FARS2: variants seen among roughly 807,000 people sequenced by gnomAD.
The protein encoded by FARS2 is phenylalanyl-tRNA synthetase 2, mitochondrial, also known as phenylalanine--tRNA ligase, mitochondrial.
FARS2 carries 40 observed loss-of-function variants against 46.4 expected under a neutral mutation model. That is an observed-to-expected ratio of 0.86 (90% confidence interval 0.67 to 1.12). The LOEUF (loss-of-function observed/expected upper bound fraction) is 1.12. Among genes scored for constraint, FARS2 ranks in the 50% most tolerant of loss-of-function variants. FARS2 has a pLI of 0.00. For synonymous variants in FARS2, 234 were observed against 214.9 expected, an observed-to-expected ratio of 1.09 and a Z score of -0.78; for missense variants, 513 against 567.9, an observed-to-expected ratio of 0.90 and a Z score of 0.98.
At chr6:5,465,619 A>G (rs542619039) in intron 4 of FARS2, among the ~76,000 whole-genome samples, 2 of 152,276 alleles carry the variant, frequency 1.3e-5, no homozygotes, top group Non-Finnish European at 2.9e-5. Context: ...TCTAATTCTC[A>G]ACCCAGTGTT....
At chr6:5,515,671 T>C (rs564776499) in intron 4 of FARS2, among the ~76,000 whole-genome samples, 6 of 152,282 alleles carry the variant, frequency 3.9e-5, no homozygotes, top group African/African-American at 1.4e-4. Context: ...TCAAGTGATC[T>C]GCCTGCCTTG....
chr6:5,359,030 C>CTTTT (rs397888425), intron 1 of FARS2, among the ~76,000 whole-genome samples: 2 of 45,404 alleles, frequency 4.4e-5, no homozygotes, highest in Non-Finnish European at 8.9e-5. Flanking sequence ...AAAAGATACC[C>CTTTT]TTTTTTTTTT....
chr6:5,324,443 CTTTTTTTTTTT>C (rs745311767), intron 1 of FARS2, among the ~76,000 whole-genome samples: 6 of 88,262 alleles, frequency 6.8e-5, no homozygotes, highest in East Asian at 6.3e-4. Flanking sequence ...AGACTATTTG[CTTTTTTTTTTT>C]TTTTTTTTTT....
At chr6:5,399,808 C>T (rs1310234228) in intron 2 of FARS2, among the ~76,000 whole-genome samples, 3 of 152,104 alleles carry the variant, frequency 2.0e-5, no homozygotes, top group East Asian at 3.9e-4. Flanking sequence ...AGATCTTCCT[C>T]GTTCTTTATT....
intron 6 of FARS2, among the ~76,000 whole-genome samples, chr6:5,689,935 T>TC (rs1305191486): frequency 1.3e-5 from 2 of 152,232 alleles, no homozygotes; most frequent in East Asian, 3.8e-4. Context: ...GTTGAATTGA[T>TC]CCCTTTACCA....
chr6:5,440,254 T>TTA (rs770075934), intron 4 of FARS2, among the ~76,000 whole-genome samples: 2 of 152,112 alleles, frequency 1.3e-5, no homozygotes, highest in East Asian at 3.8e-4. Context: ...CATATAGAAG[T>TTA]TATATATATA....
chr6:5,683,750 C>G (rs1779154144), intron 6 of FARS2, among the ~76,000 whole-genome samples: 1 of 152,036 alleles, frequency 6.6e-6, no homozygotes, highest in Non-Finnish European at 1.5e-5. Flanking sequence ...AGATATTTGT[C>G]CTAATGCTCT....
chr6:5,377,159 C>A (rs570310468), intron 2 of FARS2, among the ~76,000 whole-genome samples: 1 of 152,302 alleles, frequency 6.6e-6, no homozygotes, highest in East Asian at 1.9e-4. Flanking sequence ...TCTTACAAAT[C>A]CTGTGTCTAT....
At chr6:5,701,125 A>T (rs1327879572) in intron 6 of FARS2, among the ~76,000 whole-genome samples, 1 of 152,222 alleles carries the variant, frequency 6.6e-6, no homozygotes, top group Non-Finnish European at 1.5e-5. Flanking sequence ...CAGCAGACAA[A>T]TGGCCTGCCA....
intron 5 of FARS2, among the ~76,000 whole-genome samples, chr6:5,590,898 G>A (rs114505934): frequency 0.013 from 1,943 of 152,252 alleles, 42 homozygotes; most frequent in African/African-American, 0.043. Context: ...CACATTGTAA[G>A]CTTAGAGTGA....
In FARS2 at chr6:5,430,071, G is replaced by T. The variant is rs954411932; in HGVS notation, c.773-970G>T. 4.6e-5 allele frequency among the ~76,000 whole-genome samples: 7 copies of T among 152,232 alleles called. No homozygotes were observed. In the South Asian group the frequency reaches 1.2e-3, roughly 27 times the overall value. On this transcript the variant is annotated intron_variant, in intron 3 of 6. Coordinates refer to ENST00000274680, the MANE Select transcript of FARS2 (RefSeq NM_006567.5). ...AGATTTAACATGCAGGTAGTTTGGG[G>T]TGAGAACATATGGTATTTTAAATTC...
intron 2 of FARS2, among the ~76,000 whole-genome samples, chr6:5,390,776 G>C (rs1181801058): frequency 1.3e-5 from 2 of 152,158 alleles, no homozygotes; most frequent in Non-Finnish European, 2.9e-5. Context: ...CCCCAGGTAT[G>C]GCCCCTTTCC....
intron 4 of FARS2, among the ~76,000 whole-genome samples, chr6:5,497,927 C>G (rs1196315306): frequency 6.6e-6 from 1 of 152,142 alleles, no homozygotes; most frequent in East Asian, 1.9e-4. Flanking sequence ...CAAATAGTTT[C>G]ACCCTCTTTC....
At chr6:5,537,121 C>G (rs1770254511) in intron 4 of FARS2, among the ~76,000 whole-genome samples, 1 of 152,180 alleles carries the variant, frequency 6.6e-6, no homozygotes, top group Non-Finnish European at 1.5e-5. Flanking sequence ...AACCCAAGTA[C>G]ACTGCTGCTT....
intron 6 of FARS2, among the ~76,000 whole-genome samples, chr6:5,717,908 C>CTCTATATATATATATA (rs748122253): frequency 3.9e-5 from 3 of 77,722 alleles, no homozygotes; most frequent in East Asian, 4.9e-4. Context: ...AAGGTATCAG[C>CTCTATATATATATATA]TATATATATA....
chr6:5,413,144 C>G (rs918725405), intron 3 of FARS2, among the ~76,000 whole-genome samples: 1 of 152,100 alleles, frequency 6.6e-6, no homozygotes, highest in Admixed American at 6.5e-5. Flanking sequence ...GGAATTGGTA[C>G]AAGGGAACCT....
At chr6:5,554,533 C>T (rs1771544081) in intron 5 of FARS2, among the ~76,000 whole-genome samples, 1 of 152,126 alleles carries the variant, frequency 6.6e-6, no homozygotes. Context: ...TTCTTAAGGC[C>T]AGGATTGGCT....
chr6:5,624,711 C>T (rs1042118238), intron 6 of FARS2, among the ~76,000 whole-genome samples: 1 of 152,172 alleles, frequency 6.6e-6, no homozygotes, highest in Non-Finnish European at 1.5e-5. Flanking sequence ...TTGATGTTCC[C>T]TGCCCCACCC....
intron 2 of FARS2, among the ~76,000 whole-genome samples, 156 bp from the exon 3 acceptor site, chr6:5,404,386 A>T (rs1288898435): frequency 6.6e-6 from 1 of 152,200 alleles, no homozygotes; most frequent in Non-Finnish European, 1.5e-5. Flanking sequence ...TACTAAGTGA[A>T]TGTTAATTTC....
Sources: allele counts gnomAD v4.1 joint callset (sites outside exome capture counted in the v4.1 genomes callset), GRCh38; gene constraint gnomAD v4.1.1; transcripts MANE v1.5; gene names NCBI Gene and HGNC (gene_info 2026-07-23, HGNC 2026-07-21).